The following RERE variants were observed in gnomAD, a reference collection of about 807,000 sequenced individuals.
RERE encodes the protein arginine-glutamic acid dipeptide repeats protein.
In RERE, 40 loss-of-function variants were observed where a neutral mutation model predicts 146.1. The observed-to-expected ratio is 0.27, with a 90% CI of 0.21 to 0.36. RERE has a LOEUF of 0.36. Among genes scored for constraint, RERE ranks in the 10% least tolerant of loss-of-function variants. The probability of loss-of-function intolerance (pLI) is 1.00; values close to 1 mark genes in which losing one functional copy is unlikely to be tolerated. For missense variants in RERE, 1,933 were observed against 2,138.7 expected (o/e 0.90, Z 1.90); for synonymous variants, 1,003 against 866.0 (o/e 1.16, Z -2.78).
At chr1:8,617,348 A>AAAAAAAAAAAAAAC in intron 3 of RERE, among the ~76,000 whole-genome samples, 1 of 150,220 alleles carries the variant, frequency 6.7e-6, no homozygotes, top group African/African-American at 2.5e-5. Flanking sequence ...TGTCTCAAAA[A>AAAAAAAAAAAAAAC]AAAAAAAAAG....
At chr1:8,401,038 C>A (rs868120876) in intron 12 of RERE, among the ~76,000 whole-genome samples, 1 of 57,482 alleles carries the variant, frequency 1.7e-5, no homozygotes, top group African/African-American at 5.6e-5. Context: ...AAAAAAAAAC[C>A]ATATATATAT....
At chr1:8,398,065 C>T (rs150271433) in intron 12 of RERE, among the ~76,000 whole-genome samples, 36 of 152,180 alleles carry the variant, frequency 2.4e-4, no homozygotes, top group African/African-American at 8.0e-4. Context: ...TGATGTTCTA[C>T]AGGGGTATTC....
intron 4 of RERE, among the ~76,000 whole-genome samples, chr1:8,603,201 TCTAAGTTTACATATAA>T (rs1226644060): frequency 1.3e-5 from 2 of 152,282 alleles, no homozygotes; most frequent in East Asian, 3.8e-4. Flanking sequence ...AGATTTTGGC[TCTAAGTTTACATATAA>T]CTAAGTAGTA....
Position 8,423,630 on chromosome 1 carries a change from C to A in RERE, c.1204-823G>T, listed in dbSNP as rs1377960809. 4.1e-6 allele frequency: 4 copies of A among 985,004 alleles called. No homozygotes were observed. Among genetic ancestry groups the A allele is most frequent in the East Asian group, 2.3e-4 (2 of 8,754 alleles). The allele number at this position is 985,004 out of a possible 1,614,324, so 61.0% of individuals were successfully genotyped here. A position where few individuals can be genotyped will look rare whatever the true frequency, so the allele number is the denominator to read the frequency against. The stretch of plus-strand genomic sequence containing the variant: ...ACAGGTAAGCGCCCGGGGTCCGGGG[C>A]GGCAAGAGGCCGTCGCCTGTCACTG... On this transcript the variant is annotated intron_variant, in intron 11 of 22. Transcript: ENST00000400908. This position sits in a 1 kb window ranked among gnomAD's most constrained non-coding sequence, Gnocchi z 5.4.
intron 9 of RERE, 51 bp downstream of exon 9, chr1:8,497,354 C>A (rs1645058953): frequency 1.2e-6 from 2 of 1,603,136 alleles, no homozygotes; most frequent in Non-Finnish European, 8.5e-7. Flanking sequence ...TGCCTATAAT[C>A]AGTTCAGATG....
intron 12 of RERE, among the ~76,000 whole-genome samples, chr1:8,375,846 C>T (rs1642226833): frequency 6.6e-6 from 1 of 151,524 alleles, no homozygotes. Context: ...GCTTTATTTA[C>T]AAACAAGCAA....
intron 12 of RERE, among the ~76,000 whole-genome samples, chr1:8,398,644 C>G (rs1204560069): frequency 6.6e-6 from 1 of 152,212 alleles, no homozygotes; most frequent in Non-Finnish European, 1.5e-5. Context: ...TCACTGAACT[C>G]TAGTGTGGGG....
Position 8,423,791 on chromosome 1 carries a change from G to A in RERE, c.1204-984C>T, listed in dbSNP as rs891021913. 4.3e-6 allele frequency: 3 copies of A among 697,970 alleles called. No individual in the cohort carries two copies. The highest frequency in any genetic ancestry group is 6.5e-5 in the Admixed American group (1 of 15,414). The allele number at this position is 697,970 out of a possible 1,614,324, so 43.2% of individuals were successfully genotyped here. Reference sequence around the variant, plus strand: ...CTGACGGGGGAGGAGGCAGGAGCGCGGCGCGCAGAGCCCGGCGCGGCCGCG... The same window carrying A: ...CTGACGGGGGAGGAGGCAGGAGCGCAGCGCGCAGAGCCCGGCGCGGCCGCG... On this transcript the variant is annotated intron_variant, in intron 11 of 22. Coordinates refer to ENST00000400908, the MANE Select transcript of RERE (RefSeq NM_001042681.2). The surrounding 1 kb of genome is among the most constrained non-coding windows in gnomAD (Gnocchi z 5.4).
intron 2 of RERE, 113 bp downstream of exon 2, chr1:8,655,860 C>A: frequency 6.6e-7 from 1 of 1,506,190 alleles, no homozygotes; most frequent in Non-Finnish European, 8.8e-7. Context: ...GTTTCCTACT[C>A]TTCTAGATTC....
Position 8,495,043 on chromosome 1 carries a change from G to T in RERE, c.1104+20C>A, listed in dbSNP as rs775557303. ...GAAAAAGAAGTGTCTTCCCACTCAGGGTGACTTCAAAAGACTTACTGTGTT... is the reference window on the plus strand; with the variant it reads ...GAAAAAGAAGTGTCTTCCCACTCAGTGTGACTTCAAAAGACTTACTGTGTT... On this transcript the variant is annotated intron_variant, in intron 10 of 22. Coordinates refer to ENST00000400908, the MANE Select transcript of RERE (RefSeq NM_001042681.2). The T allele has an allele frequency of 3.2e-5, 50 of 1,551,794 alleles. No individual in the cohort carries two copies. Among genetic ancestry groups the T allele is most frequent in the Non-Finnish European group, 4.3e-5 (48 of 1,123,528 alleles).
intron 1 of RERE, among the ~76,000 whole-genome samples, chr1:8,659,977 A>C (rs1480920495): frequency 6.6e-6 from 1 of 152,162 alleles, no homozygotes; most frequent in Non-Finnish European, 1.5e-5. Context: ...GTATATGTGT[A>C]TATTTATAAA....
At chr1:8,641,335 C>T (rs978294104) in intron 2 of RERE, among the ~76,000 whole-genome samples, 1 of 152,094 alleles carries the variant, frequency 6.6e-6, no homozygotes, top group African/African-American at 2.4e-5. Flanking sequence ...TTAGCTACTA[C>T]AAAGTAAGGC....
intron 7 of RERE, chr1:8,511,818 TCACCCTTGATAGGTCAGGCAGCCACAA>T (rs1645340186): frequency 6.7e-6 from 1 of 150,142 alleles, no homozygotes; most frequent in African/African-American, 2.4e-5. Context: ...GACAGCTGCA[TCACCCTTGATAGGTCAGGCAGCCACAA>T]CACCCCAGAA....
At chr1:8,443,249 T>A (rs536269715) in intron 11 of RERE, among the ~76,000 whole-genome samples, 1 of 151,686 alleles carries the variant, frequency 6.6e-6, no homozygotes, top group African/African-American at 2.4e-5. Flanking sequence ...GATCATGAGG[T>A]CAGGAGTTCA....
chr1:8,534,806 CGT>C (rs1239670803), intron 7 of RERE, among the ~76,000 whole-genome samples: 3 of 152,218 alleles, frequency 2.0e-5, no homozygotes, highest in African/African-American at 7.2e-5. Context: ...GCAGACATCA[CGT>C]CCAGCAACTG....
chr1:8,748,729 G>A (rs1392434731), intron 1 of RERE, among the ~76,000 whole-genome samples: 1 of 152,082 alleles, frequency 6.6e-6, no homozygotes, highest in Non-Finnish European at 1.5e-5. Context: ...TTCTCCTTTT[G>A]TCTTTCTTCC....
At chr1:8,809,901 G>A (rs1254004679) in intron 1 of RERE, among the ~76,000 whole-genome samples, 1 of 152,214 alleles carries the variant, frequency 6.6e-6, no homozygotes, top group Non-Finnish European at 1.5e-5. Flanking sequence ...AACAAGAACT[G>A]AAGAAAAGGT....
Position 8,360,923 on chromosome 1 carries a change from G to A in RERE, c.2584C>T (p.Leu862=), listed in dbSNP as rs749107788. Residue 862 remains leucine (L), a synonymous_variant, in exon 18 of 23, where the codon CTG becomes TTG. Coordinates refer to ENST00000400908, the MANE Select transcript of RERE (RefSeq NM_001042681.2). ...TGTGGGGGGCCTGGGTGCTGCAGCA[G>A]GGGCCCAGCCTGCAGGCTGTGAGGG... The part of the protein sequence containing the change: ...PGPHSLQAGP[L]LQHPGPPQPF... The A allele has an allele frequency of 1.2e-5, 18 of 1,480,864 alleles. No individual in the cohort carries two copies. The highest frequency in any genetic ancestry group is 1.6e-5 in the Non-Finnish European group (18 of 1,122,700). 91.7% of individuals were successfully genotyped at this position (1,480,864 alleles called of 1,614,324 possible). A position where few individuals can be genotyped will look rare whatever the true frequency, so the allele number is the denominator to read the frequency against.
At chr1:8,572,973 C>A (rs939420252) in intron 4 of RERE, among the ~76,000 whole-genome samples, 3 of 152,146 alleles carry the variant, frequency 2.0e-5, no homozygotes, top group Admixed American at 1.3e-4. Flanking sequence ...ATGTCATATA[C>A]AGAGACAGGT....
Sources: gnomAD v4.1 joint callset for allele counts (sites outside exome capture counted in the v4.1 genomes callset) on GRCh38, gnomAD v4.1.1 for gene constraint, Gnocchi (gnomAD v3.1) non-coding constraint, MANE v1.5 for transcripts, NCBI Gene and HGNC (gene_info 2026-07-23, HGNC 2026-07-21) for gene names.